The following NAPB variants were observed in gnomAD, a reference collection of about 807,000 sequenced individuals.
NAPB encodes the protein beta-soluble NSF attachment protein.
NAPB carries 26 observed loss-of-function variants against 44.7 expected under a neutral mutation model. That is an observed-to-expected ratio of 0.58 (90% confidence interval 0.43 to 0.81). The LOEUF is 0.81. Among genes scored for constraint, NAPB ranks in the 30% least tolerant of loss-of-function variants. The pLI, the probability that NAPB is intolerant of heterozygous loss-of-function variation, is 0.00. For synonymous variants in NAPB, 120 were observed against 116.8 expected (o/e 1.03, Z -0.18); for missense variants, 315 against 356.4 (o/e 0.88, Z 0.94).
At chr20:23,413,509 A>G (rs1205365583) in intron 1 of NAPB, among the ~76,000 whole-genome samples, 1 of 152,192 alleles carries the variant, frequency 6.6e-6, no homozygotes, top group Non-Finnish European at 1.5e-5. Context: ...AGAAAGCAAT[A>G]AAGATAAAAG....
At chr20:23,412,798 C>A (rs1215677663) in intron 1 of NAPB, among the ~76,000 whole-genome samples, 3 of 152,180 alleles carry the variant, frequency 2.0e-5, no homozygotes, top group Non-Finnish European at 4.4e-5. Context: ...GAGTTTGAGA[C>A]CAGCCTGGCC....
At chr20:23,382,691 G>C (rs1197393219) in intron 7 of NAPB, among the ~76,000 whole-genome samples, 1 of 151,820 alleles carries the variant, frequency 6.6e-6, no homozygotes, top group Non-Finnish European at 1.5e-5. Context: ...AAGTGGGTGG[G>C]CTCAACAGCA....
At chr20:23,397,012 G>A (rs1265004131) in intron 3 of NAPB, 60 bp downstream of exon 3, 24 of 1,548,574 alleles carry the variant, frequency 1.5e-5, no homozygotes, top group Non-Finnish European at 2.0e-5. Context: ...TAACGTTGAG[G>A]GAAGTACTGA....
At position 23,404,508 on chromosome 20, in the gene NAPB, A is replaced by G. The variant is rs563384544; in HGVS notation, c.99-1436T>C. Among the ~76,000 whole-genome samples the G allele has an allele frequency of 1.8e-4, 28 of 152,358 alleles. No homozygotes were observed. In the South Asian group the frequency reaches 1.9e-3, roughly 10 times the overall value. On this transcript the variant is annotated intron_variant, in intron 1 of 10. Transcript: ENST00000377026. Reference sequence around the variant, plus strand: ...TCAGGTGTGACTCAGACCTTAGGCAATAACTACTAACAGTATGGCCCTGGA... The same window carrying G: ...TCAGGTGTGACTCAGACCTTAGGCAGTAACTACTAACAGTATGGCCCTGGA...
rs1423746435 is a variant in NAPB, at chr20:23,378,885, C to G, written c.786+560G>C. ...CCAGGCTGGAGTGCAGTGGTGCAAT[C>G]TCAGCTCACTGCAACCTCTGCCTCC... On this transcript the variant is annotated intron_variant, in intron 10 of 10. Coordinates refer to ENST00000377026, the MANE Select transcript of NAPB (RefSeq NM_022080.3). The G allele has an allele frequency of 4.0e-5, 5 of 125,192 alleles. 1 individual carries two copies. In the East Asian group the frequency reaches 1.2e-3, roughly 30 times the overall value. 7.8% of individuals were successfully genotyped at this position (125,192 alleles called of 1,614,324 possible).
At chr20:23,410,767 A>G (rs1248720205) in intron 1 of NAPB, among the ~76,000 whole-genome samples, 1 of 152,248 alleles carries the variant, frequency 6.6e-6, no homozygotes, top group Non-Finnish European at 1.5e-5. Flanking sequence ...AACAAGAATT[A>G]AAATACGTTC....
chr20:23,398,198 A>G (rs1159380923), intron 2 of NAPB, among the ~76,000 whole-genome samples: 2 of 152,192 alleles, frequency 1.3e-5, no homozygotes, highest in African/African-American at 4.8e-5. Flanking sequence ...AATGAGTCAC[A>G]TTGGGGAAGT....
intron 1 of NAPB, among the ~76,000 whole-genome samples, chr20:23,412,554 C>T (rs923849005): frequency 1.3e-5 from 2 of 151,982 alleles, no homozygotes; most frequent in African/African-American, 4.8e-5. Context: ...AAATTGCAAA[C>T]GTTAAAAAAG....
At chr20:23,395,041 T>A in intron 4 of NAPB, 42 bp from the exon 5 acceptor site, 2 of 1,612,722 alleles carry the variant, frequency 1.2e-6, no homozygotes, top group East Asian at 2.2e-5. Flanking sequence ...CGATTTTACC[T>A]ATCTGAATGC....
At chr20:23,379,143 A>T (rs16985308) in intron 10 of NAPB, 78,708 of 260,342 alleles carry the variant, frequency 0.3, 12,215 homozygotes, top group East Asian at 0.36. Flanking sequence ...ATACTTATTT[A>T]TGGGTCAGAT....
chr20:23,378,377 G>C (rs1386346816), intron 10 of NAPB, among the ~76,000 whole-genome samples: 1 of 150,318 alleles, frequency 6.7e-6, no homozygotes, highest in Non-Finnish European at 1.5e-5. Flanking sequence ...GATGGCAAAA[G>C]ATGGAAAAAC....
intron 5 of NAPB, among the ~76,000 whole-genome samples, chr20:23,393,611 C>T (rs562856041): frequency 3.3e-5 from 5 of 152,108 alleles, no homozygotes; most frequent in East Asian, 3.9e-4. Context: ...CCCAATCTGG[C>T]GGAGGGAGAG....
At chr20:23,411,145 A>G (rs949597563) in intron 1 of NAPB, among the ~76,000 whole-genome samples, 2 of 152,168 alleles carry the variant, frequency 1.3e-5, no homozygotes, top group African/African-American at 4.8e-5. Flanking sequence ...GAAAAAACCC[A>G]TTTTCACAAT....
chr20:23,399,661 A>AGGCT (rs1179873257), intron 2 of NAPB, among the ~76,000 whole-genome samples: 2 of 152,174 alleles, frequency 1.3e-5, no homozygotes, highest in African/African-American at 4.8e-5. Context: ...GAATCATGAG[A>AGGCT]GGCTGGTGGG....
At chr20:23,398,136 A>G (rs994329413) in intron 2 of NAPB, among the ~76,000 whole-genome samples, 6 of 152,170 alleles carry the variant, frequency 3.9e-5, no homozygotes, top group Admixed American at 2.6e-4. Context: ...AAACATCAAC[A>G]TGCGAAACTT....
At chr20:23,404,310 C>G (rs1985080369) in intron 1 of NAPB, among the ~76,000 whole-genome samples, 1 of 152,172 alleles carries the variant, frequency 6.6e-6, no homozygotes, top group Non-Finnish European at 1.5e-5. Context: ...GACTCAGAGA[C>G]AGGACAGGTC....
intron 2 of NAPB, among the ~76,000 whole-genome samples, chr20:23,398,506 T>C (rs1477011905): frequency 6.6e-6 from 1 of 152,036 alleles, no homozygotes; most frequent in Non-Finnish European, 1.5e-5. Context: ...AGTAGCTGCA[T>C]GTGCCACCAC....
chr20:23,410,991 G>C (rs1449743055), intron 1 of NAPB, among the ~76,000 whole-genome samples: 1 of 152,142 alleles, frequency 6.6e-6, no homozygotes, highest in Admixed American at 6.5e-5. Context: ...GCATACCTAA[G>C]GGGAAAGCAG....
intron 7 of NAPB, among the ~76,000 whole-genome samples, chr20:23,381,595 A>T (rs1983008935): frequency 6.6e-6 from 1 of 152,272 alleles, no homozygotes; most frequent in South Asian, 2.1e-4. Context: ...AGCACTACTA[A>T]AAGCCCAGGT....
Sources: gnomAD v4.1 joint callset for allele counts (sites outside exome capture counted in the v4.1 genomes callset) on GRCh38, gnomAD v4.1.1 for gene constraint, MANE v1.5 for transcripts, NCBI Gene and HGNC (gene_info 2026-07-23, HGNC 2026-07-21) for gene names.